NLGN1: variants seen among roughly 807,000 people sequenced by gnomAD.
NLGN1 encodes neuroligin-1.
A neutral mutation model predicts 65.5 loss-of-function variants in NLGN1; 12 were observed. That is an observed-to-expected ratio of 0.18 (90% CI 0.12 to 0.30). The LOEUF is 0.30. NLGN1 is among the 10% of genes least tolerant of loss of function. The pLI is 1.00. For synonymous variants in NLGN1, 350 were observed against 359.5 expected, an observed-to-expected ratio of 0.97 and a Z score of 0.30; for missense variants, 750 against 1,007.1, an observed-to-expected ratio of 0.74 and a Z score of 3.46.
chr3:173,847,083 GGTT>G (rs1560485096), intron 4 of NLGN1, among the ~76,000 whole-genome samples: 1 of 152,108 alleles, frequency 6.6e-6, no homozygotes, highest in South Asian at 2.1e-4. Flanking sequence ...AGTCCAAGGT[GGTT>G]GTCTTGAAAA....
chr3:174,011,228 A>G (rs1036022173), intron 4 of NLGN1, among the ~76,000 whole-genome samples: 3 of 152,160 alleles, frequency 2.0e-5, no homozygotes. Flanking sequence ...GTATTAATCT[A>G]TGTCCCACAC....
chr3:173,577,766 A>G (rs1045609593), intron 2 of NLGN1, among the ~76,000 whole-genome samples: 2 of 152,248 alleles, frequency 1.3e-5, no homozygotes, highest in Non-Finnish European at 2.9e-5. Flanking sequence ...TTAGAAAAAT[A>G]TATCATCTTT....
chr3:173,452,178 T>C (rs931726095), intron 2 of NLGN1, among the ~76,000 whole-genome samples: 20 of 151,826 alleles, frequency 1.3e-4, no homozygotes, highest in Admixed American at 7.2e-4. Context: ...ACTGGAGCTG[T>C]TCCTATTCGG....
At chr3:173,761,118 C>T (rs1317605864) in intron 3 of NLGN1, among the ~76,000 whole-genome samples, 1 of 151,966 alleles carries the variant, frequency 6.6e-6, no homozygotes, top group Non-Finnish European at 1.5e-5. Context: ...CAGTCTTGCC[C>T]TTTTTGCTAT....
chr3:174,222,777 G>T (rs1738896463), intron 4 of NLGN1, among the ~76,000 whole-genome samples: 2 of 152,022 alleles, frequency 1.3e-5, no homozygotes, highest in South Asian at 4.1e-4. Context: ...CACACCACTG[G>T]CTCATTTATT....
intron 4 of NLGN1, among the ~76,000 whole-genome samples, chr3:174,109,686 A>G (rs558586864): frequency 6.6e-6 from 1 of 152,152 alleles, no homozygotes; most frequent in East Asian, 1.9e-4. Flanking sequence ...AACATAGAAA[A>G]ATGTATTAGC....
intron 4 of NLGN1, among the ~76,000 whole-genome samples, chr3:173,975,241 T>C (rs1183054884): frequency 2.0e-5 from 3 of 151,912 alleles, no homozygotes; most frequent in Non-Finnish European, 4.4e-5. Flanking sequence ...TCAGGGAAAA[T>C]AGGGAGTGAG....
chr3:174,083,114 GAAAT>G (rs1426919951), intron 4 of NLGN1, among the ~76,000 whole-genome samples: 1 of 152,008 alleles, frequency 6.6e-6, no homozygotes, highest in Non-Finnish European at 1.5e-5. Flanking sequence ...TCTAATAAAT[GAAAT>G]AAATATCAGA....
chr3:174,208,566 C>T (rs1285705140), intron 4 of NLGN1, among the ~76,000 whole-genome samples: 1 of 151,632 alleles, frequency 6.6e-6, no homozygotes, highest in Non-Finnish European at 1.5e-5. Context: ...ATTACTGGTG[C>T]ATAGCTGGCC....
chr3:173,955,287 G>A (rs985226520), intron 4 of NLGN1, among the ~76,000 whole-genome samples: 3 of 152,182 alleles, frequency 2.0e-5, no homozygotes, highest in South Asian at 2.1e-4. Flanking sequence ...TGCTGATGCC[G>A]CTCATAGAGC....
Position 174,078,002 on chromosome 3 carries a change from C to T in NLGN1, c.647-197313C>T, listed in dbSNP as rs184653957. 9.0e-4 allele frequency among the ~76,000 whole-genome samples: 137 copies of T among 152,028 alleles called. 1 individual carries two copies. Among genetic ancestry groups the T allele is most frequent in the Admixed American group, 9.0e-3 (137 of 15,266 alleles). ...GAGGTGGGGGAACAAAATGGAGGAA[C>T]AAAACCAAACAGTGAAATATGTATC... On this transcript the variant is annotated intron_variant, in intron 4 of 6. Coordinates refer to ENST00000457714, the Ensembl canonical transcript of NLGN1.
chr3:173,662,879 A>G (rs535855643), intron 3 of NLGN1, among the ~76,000 whole-genome samples: 162 of 152,152 alleles, frequency 1.1e-3, no homozygotes, highest in African/African-American at 3.8e-3. Flanking sequence ...TCAACAGTAT[A>G]CTTTTCCATA....
intron 2 of NLGN1, among the ~76,000 whole-genome samples, chr3:173,496,955 A>G (rs34669050): frequency 2.0e-5 from 3 of 151,882 alleles, no homozygotes; most frequent in Non-Finnish European, 4.4e-5. Flanking sequence ...CAGAGTACCA[A>G]TTACTTTTAA....
chr3:173,529,740 T>C (rs1174460431), intron 2 of NLGN1, among the ~76,000 whole-genome samples: 1 of 152,124 alleles, frequency 6.6e-6, no homozygotes, highest in Admixed American at 6.5e-5. Flanking sequence ...AAAGACGGCT[T>C]TGTGGCTAAC....
At chr3:173,450,850 G>A (rs887853953) in intron 2 of NLGN1, among the ~76,000 whole-genome samples, 6 of 151,940 alleles carry the variant, frequency 3.9e-5, no homozygotes, top group African/African-American at 7.3e-5. Context: ...CCAGTTGATC[G>A]CGTCGGTTAC....
chr3:173,734,820 C>G (rs1486410310), intron 3 of NLGN1, among the ~76,000 whole-genome samples: 21 of 152,034 alleles, frequency 1.4e-4, no homozygotes, highest in Non-Finnish European at 2.9e-5. Flanking sequence ...ATATCTTCAA[C>G]AAATTATTGC....
At chr3:174,086,217 ATATT>A (rs1222892399) in intron 4 of NLGN1, among the ~76,000 whole-genome samples, 2 of 147,634 alleles carry the variant, frequency 1.4e-5, no homozygotes, top group Non-Finnish European at 3.0e-5. Flanking sequence ...GTGTGTGTGT[ATATT>A]TATGTATGTG....
At chr3:173,633,319 A>G (rs1242982929) in intron 3 of NLGN1, among the ~76,000 whole-genome samples, 1 of 152,086 alleles carries the variant, frequency 6.6e-6, no homozygotes, top group Non-Finnish European at 1.5e-5. Flanking sequence ...CTTTTCTAGC[A>G]TTATTCATGT....
intron 3 of NLGN1, among the ~76,000 whole-genome samples, chr3:173,681,818 A>G (rs1303093267): frequency 6.6e-6 from 1 of 152,234 alleles, no homozygotes; most frequent in Non-Finnish European, 1.5e-5. Flanking sequence ...ATATGATGCC[A>G]TCAATACAGT....
Sources: allele counts gnomAD v4.1 joint callset (sites outside exome capture counted in the v4.1 genomes callset), GRCh38; gene constraint gnomAD v4.1.1; transcripts MANE v1.5; gene names NCBI Gene and HGNC (gene_info 2026-07-23, HGNC 2026-07-21).